EYS: variants seen among roughly 807,000 people sequenced by gnomAD.
The protein encoded by EYS is EGF-like photoreceptor maintenance factor.
In EYS, 250 loss-of-function variants were observed where a neutral mutation model predicts 282.1. The ratio of observed to expected loss-of-function variants is 0.89; its 90% CI spans 0.80 to 0.98. The LOEUF (loss-of-function observed/expected upper bound fraction) is 0.98, where lower values mean the gene tolerates loss of function less well. Ranked by LOEUF, EYS falls within the 50% of genes least tolerant of loss-of-function variation. EYS has a pLI of 0.00. For missense variants in EYS, 4,016 were observed against 3,709.0 expected (o/e 1.08, Z -2.15); for synonymous variants, 1,355 against 1,282.9 (o/e 1.06, Z -1.20).
intron 29 of EYS, among the ~76,000 whole-genome samples, chr6:64,372,647 G>T (rs1772421777): frequency 6.6e-6 from 1 of 152,148 alleles, no homozygotes; most frequent in Non-Finnish European, 1.5e-5. Flanking sequence ...TTTCCAAGTT[G>T]CTTAGCTTTT....
At chr6:65,207,108 T>C (rs10944783) in intron 12 of EYS, among the ~76,000 whole-genome samples, 6,383 of 151,322 alleles carry the variant, frequency 0.042, 182 homozygotes, top group Middle Eastern at 0.065. Flanking sequence ...GATGGCATGG[T>C]TTTATAACTA....
intron 31 of EYS, among the ~76,000 whole-genome samples, chr6:64,110,365 T>A (rs150301109): frequency 2.0e-3 from 297 of 152,152 alleles, no homozygotes; most frequent in South Asian, 7.3e-3. Context: ...GATACTCAGA[T>A]TTCTCGCATT....
chr6:64,587,478 A>C (rs966941329), intron 26 of EYS, among the ~76,000 whole-genome samples: 2 of 152,074 alleles, frequency 1.3e-5, no homozygotes, highest in African/African-American at 2.4e-5. Flanking sequence ...ATGGCCTACT[A>C]TATCATTTCT....
intron 28 of EYS, among the ~76,000 whole-genome samples, chr6:64,421,827 CGAGAGAGAGA>C (rs367750793): frequency 4.9e-5 from 7 of 143,622 alleles, no homozygotes; most frequent in Non-Finnish European, 7.7e-5. Context: ...AGAGAGAGAG[CGAGAGAGAGA>C]GAGCGCATTT....
intron 12 of EYS, among the ~76,000 whole-genome samples, chr6:65,266,989 TAGAG>T (rs1554173094): frequency 1.3e-4 from 18 of 142,124 alleles, no homozygotes; most frequent in Non-Finnish European, 2.6e-4. Context: ...TATATATATA[TAGAG>T]AGAGAGAGAG....
intron 12 of EYS, among the ~76,000 whole-genome samples, chr6:65,268,535 G>T (rs1767816831): frequency 6.6e-6 from 1 of 151,964 alleles, no homozygotes; most frequent in Admixed American, 6.6e-5. Flanking sequence ...GATAAAAATA[G>T]AGATCACAAG....
At chr6:64,579,474 C>T (rs1023466466) in intron 26 of EYS, among the ~76,000 whole-genome samples, 1 of 152,070 alleles carries the variant, frequency 6.6e-6, no homozygotes, top group African/African-American at 2.4e-5. Flanking sequence ...ATGTATGAAG[C>T]AGGTATTAAA....
chr6:65,297,092 T>G (rs1403497359), intron 11 of EYS, among the ~76,000 whole-genome samples: 1 of 151,468 alleles, frequency 6.6e-6, no homozygotes, highest in South Asian at 2.1e-4. Flanking sequence ...TTATAAGTTA[T>G]TAATATAAAT....
At chr6:64,514,558 A>G (rs1284860621) in intron 26 of EYS, among the ~76,000 whole-genome samples, 9 of 151,866 alleles carry the variant, frequency 5.9e-5, no homozygotes, top group Admixed American at 5.3e-4. Context: ...ATTAATAGCA[A>G]CTACAATGTC....
intron 31 of EYS, among the ~76,000 whole-genome samples, chr6:64,120,970 A>T (rs934647196): frequency 1.3e-5 from 2 of 152,056 alleles, no homozygotes; most frequent in Non-Finnish European, 2.9e-5. Context: ...TGTAGGAGAG[A>T]AGTCTTTGTT....
At chr6:65,059,777 A>T (rs1237389645) in intron 12 of EYS, among the ~76,000 whole-genome samples, 1 of 152,084 alleles carries the variant, frequency 6.6e-6, no homozygotes, top group Admixed American at 6.6e-5. Flanking sequence ...CACTGAGGGA[A>T]ACCTGTTTGT....
At chr6:65,044,575 T>A (rs1254629161) in intron 13 of EYS, among the ~76,000 whole-genome samples, 1 of 151,852 alleles carries the variant, frequency 6.6e-6, no homozygotes, top group African/African-American at 2.4e-5. Context: ...GCTGATATGT[T>A]GCATTGTCTC....
chr6:64,629,693 C>T (rs1177289485), intron 22 of EYS, among the ~76,000 whole-genome samples: 1 of 152,070 alleles, frequency 6.6e-6, no homozygotes, highest in Non-Finnish European at 1.5e-5. Flanking sequence ...GTGTTCATTA[C>T]TAGAAAGCAA....
At chr6:65,644,360 T>C (rs1480275498) in intron 1 of EYS, among the ~76,000 whole-genome samples, 2 of 151,996 alleles carry the variant, frequency 1.3e-5, no homozygotes, top group African/African-American at 2.4e-5. Context: ...ACCCAATCCA[T>C]CAAAGACAAA....
At chr6:65,364,591 AT>A (rs2150336687) in intron 8 of EYS, among the ~76,000 whole-genome samples, 1 of 151,532 alleles carries the variant, frequency 6.6e-6, no homozygotes, top group African/African-American at 2.4e-5. Context: ...ATTCTAGGTA[AT>A]TTTATAATTA....
chr6:65,174,663 A>G (rs1354958237), intron 12 of EYS, among the ~76,000 whole-genome samples: 3 of 151,376 alleles, frequency 2.0e-5, no homozygotes, highest in Non-Finnish European at 4.4e-5. Flanking sequence ...ACCAGAAAAA[A>G]ATAGCTGACA....
intron 31 of EYS, among the ~76,000 whole-genome samples, chr6:64,171,633 C>T (rs1175001926): frequency 6.6e-6 from 1 of 151,844 alleles, no homozygotes; most frequent in Non-Finnish European, 1.5e-5. Flanking sequence ...ATATAACAGT[C>T]TTCCACTGCA....
intron 37 of EYS, 78 bp downstream of exon 37, chr6:63,806,112 A>C: frequency 7.9e-7 from 1 of 1,260,454 alleles, no homozygotes; most frequent in South Asian, 1.5e-5. Flanking sequence ...TACCACAGCC[A>C]ATTAGAGTGT....
At chr6:65,515,780 G>T (rs1254522029) in intron 2 of EYS, among the ~76,000 whole-genome samples, 2 of 129,146 alleles carry the variant, frequency 1.5e-5, no homozygotes, top group South Asian at 5.6e-4. Flanking sequence ...ATCACACTCT[G>T]GGGACTGTTG....
Sources: allele counts gnomAD v4.1 joint callset (sites outside exome capture counted in the v4.1 genomes callset), GRCh38; gene constraint gnomAD v4.1.1; transcripts MANE v1.5; gene names NCBI Gene and HGNC (gene_info 2026-07-23, HGNC 2026-07-21).